PITPNM3: variants seen among roughly 807,000 people sequenced by gnomAD.
PITPNM3 encodes the protein PITPNM family member 3, also known as membrane-associated phosphatidylinositol transfer protein 3.
PITPNM3 carries 26 observed loss-of-function variants against 102.0 expected under a neutral mutation model. The observed-to-expected ratio is 0.25, with a 90% CI of 0.19 to 0.35. The LOEUF (loss-of-function observed/expected upper bound fraction) is 0.35, where lower values mean the gene tolerates loss of function less well. Ranked by LOEUF, PITPNM3 falls within the 10% of genes least tolerant of loss-of-function variation. The pLI, the probability that PITPNM3 is intolerant of heterozygous loss-of-function variation, is 1.00. For missense variants in PITPNM3, 1,083 were observed against 1,346.1 expected, an observed-to-expected ratio of 0.80 and a Z score of 3.06; for synonymous variants, 578 against 558.6, an observed-to-expected ratio of 1.03 and a Z score of -0.49.
At position 6,556,064 on chromosome 17, in the gene PITPNM3, G is replaced by T. The variant is rs990589136; in HGVS notation, c.22+321C>A. ...CATCCCCTTCGGTGGCGAAGCCCGG[G>T]TCTGCCCGGGGCCTCCGCGGGGTGC... On this transcript the variant is annotated intron_variant, in intron 1 of 19. Transcript: ENST00000262483. The surrounding 1 kb of genome is among the most constrained non-coding windows in gnomAD (Gnocchi z 5.2). Among the ~76,000 whole-genome samples the T allele has an allele frequency of 5.9e-5, 9 of 152,106 alleles. No homozygotes were observed. Among genetic ancestry groups the T allele is most frequent in the African/African-American group, 1.9e-4 (8 of 41,448 alleles).
intron 1 of PITPNM3, among the ~76,000 whole-genome samples, chr17:6,547,553 G>C (rs554789369): frequency 6.6e-6 from 1 of 152,194 alleles, no homozygotes; most frequent in South Asian, 2.1e-4. Flanking sequence ...TCTGCCACCT[G>C]CAGGCTCCCC....
chr17:6,498,427 C>A (rs796354111), intron 4 of PITPNM3, among the ~76,000 whole-genome samples: 2 of 152,222 alleles, frequency 1.3e-5, no homozygotes, highest in Admixed American at 1.3e-4. Context: ...ACGCTTCATT[C>A]GAGAGGATCC....
chr17:6,474,616 G>A lies in PITPNM3; in HGVS notation c.1086-12C>T. 1 of 1,553,892 alleles carries A rather than the reference G, an allele frequency of 6.4e-7. No individual in the cohort carries two copies. The highest frequency in any genetic ancestry group is 8.7e-7 in the Non-Finnish European group (1 of 1,149,512). ...CGCTGGAGTGGATGCTGCGGAGGGA[G>A]GAGGACGCAGGGCAGGGCAGGTCAG... On this transcript the variant is annotated splice_polypyrimidine_tract_variant and intron_variant, in intron 9 of 19. Coordinates refer to ENST00000262483, the MANE Select transcript of PITPNM3 (RefSeq NM_031220.4).
rs949859801 is a variant in PITPNM3, at chr17:6,451,796, C to G, written c.*3542G>C. 3 of 151,108 alleles carry G rather than the reference C, an allele frequency of 2.0e-5. No individual in the cohort carries two copies. The allele number at this position is 151,108 out of a possible 1,614,324, so 9.4% of individuals were successfully genotyped here. A position where few individuals can be genotyped will look rare whatever the true frequency, so the allele number is the denominator to read the frequency against. On this transcript the variant is annotated 3_prime_UTR_variant, in exon 20 of 20. Coordinates refer to ENST00000262483, the MANE Select transcript of PITPNM3 (RefSeq NM_031220.4). ...TTTTTACGAAGGTTTCCCCCAAGCC[C>G]GGAAGGAAAGGAAGGAGGGAATGTT...
intron 2 of PITPNM3, among the ~76,000 whole-genome samples, chr17:6,528,610 C>T (rs1378075526): frequency 6.6e-6 from 1 of 152,062 alleles, no homozygotes; most frequent in Admixed American, 6.5e-5. Flanking sequence ...GCCCTCTCTC[C>T]CTCCTGCTCC....
At chr17:6,550,710 A>G (rs1479935016) in intron 1 of PITPNM3, among the ~76,000 whole-genome samples, 1 of 152,220 alleles carries the variant, frequency 6.6e-6, no homozygotes, top group Non-Finnish European at 1.5e-5. Flanking sequence ...TGACCCAGAC[A>G]TGGCCCAGGC....
rs754069030 is a variant in PITPNM3 at position 6,477,147 on chromosome 17, T to C, written c.967A>G (p.Ile323Val). 8.1e-6 allele frequency: 13 copies of C among 1,614,122 alleles called. No homozygotes were observed. Among genetic ancestry groups the C allele is most frequent in the Non-Finnish European group, 1.0e-5 (12 of 1,180,014 alleles). Residue 323 changes from isoleucine to valine, a missense_variant, in exon 9 of 20, where the codon ATT becomes GTT. Physicochemically the swap from Ile to Val is conservative, Grantham distance 29. Transcript: ENST00000262483. ...TCCTCCAACCCACTGGAGATGTCAA[T>C]GTTGCTTTTGCTGAGACGCTTGCTG... ...ASSKRLSKSN[I>V]DISSGLEDEE...
At position 6,457,491 on chromosome 17, in the gene PITPNM3, G is replaced by A; in HGVS notation, c.2619+103C>T. The A allele has an allele frequency of 2.6e-6, 4 of 1,554,680 alleles. No individual in the cohort carries two copies. The highest frequency in any genetic ancestry group is 3.5e-6 in the Non-Finnish European group (4 of 1,140,536). On this transcript the variant is annotated intron_variant, in intron 19 of 19. Transcript: ENST00000262483. This position sits in a 1 kb window ranked among gnomAD's most constrained non-coding sequence, Gnocchi z 4.7. ...TTGAATAAATGAATGAGCAAATGGG[G>A]GAATGAACAAATGAATGAATGAATG...
intron 1 of PITPNM3, among the ~76,000 whole-genome samples, chr17:6,553,472 G>T (rs1302936045): frequency 6.6e-6 from 1 of 152,178 alleles, no homozygotes; most frequent in Non-Finnish European, 1.5e-5. Flanking sequence ...CACAAGCCAT[G>T]CCACAAATCT....
intron 2 of PITPNM3, among the ~76,000 whole-genome samples, chr17:6,527,112 A>G (rs924693254): frequency 2.7e-5 from 4 of 150,232 alleles, no homozygotes; most frequent in Non-Finnish European, 5.9e-5. Flanking sequence ...AAACAACAAT[A>G]ACGACTCAGG....
intron 3 of PITPNM3, among the ~76,000 whole-genome samples, chr17:6,509,129 C>T (rs979684873): frequency 6.6e-6 from 1 of 152,148 alleles, no homozygotes; most frequent in Non-Finnish European, 1.5e-5. Context: ...GGCTCTGGGC[C>T]CCACCAATCT....
chr17:6,505,204 A>G (rs1321284057), intron 3 of PITPNM3, among the ~76,000 whole-genome samples: 1 of 148,882 alleles, frequency 6.7e-6, no homozygotes, highest in African/African-American at 2.5e-5. Context: ...AAATATATAT[A>G]TATATATATA....
At chr17:6,511,243 C>T (rs1249881247) in intron 3 of PITPNM3, among the ~76,000 whole-genome samples, 2 of 152,196 alleles carry the variant, frequency 1.3e-5, no homozygotes, top group African/African-American at 4.8e-5. Context: ...GACCTACTTG[C>T]CAATTTCGTG....
At chr17:6,505,737 G>A (rs1476606668) in intron 3 of PITPNM3, among the ~76,000 whole-genome samples, 2 of 152,232 alleles carry the variant, frequency 1.3e-5, no homozygotes, top group African/African-American at 2.4e-5. Context: ...TTCAAAAAAC[G>A]CCTTCTATGG....
chr17:6,473,095 A>T (rs1597369037), intron 10 of PITPNM3: 2 of 524,972 alleles, frequency 3.8e-6, no homozygotes, highest in Non-Finnish European at 6.9e-6. Context: ...GCCTTTGCTC[A>T]AAACATCCCT....
intron 19 of PITPNM3, among the ~76,000 whole-genome samples, chr17:6,456,033 T>A (rs12453239): frequency 0.38 from 58,084 of 151,548 alleles, 12,920 homozygotes; most frequent in Middle Eastern, 0.56. Context: ...TTAATTAATT[T>A]ATTTATTTGA....
chr17:6,509,150 G>A (rs956915169), intron 3 of PITPNM3, among the ~76,000 whole-genome samples: 1 of 152,150 alleles, frequency 6.6e-6, no homozygotes, highest in African/African-American at 2.4e-5. Flanking sequence ...TGCCTGTCCT[G>A]AACTCACACA....
intron 1 of PITPNM3, among the ~76,000 whole-genome samples, chr17:6,539,198 G>A (rs1909605418): frequency 6.7e-6 from 1 of 149,276 alleles, no homozygotes; most frequent in Non-Finnish European, 1.5e-5. Context: ...GATTCCCTAA[G>A]CTTCTGATCC....
At chr17:6,551,050 GA>G (rs1049956027) in intron 1 of PITPNM3, among the ~76,000 whole-genome samples, 2 of 152,218 alleles carry the variant, frequency 1.3e-5, no homozygotes, top group African/African-American at 4.8e-5. Flanking sequence ...CAGACTGCGG[GA>G]AAGCTTTTGA....
Sources: gnomAD v4.1 joint callset for allele counts (sites outside exome capture counted in the v4.1 genomes callset) on GRCh38, gnomAD v4.1.1 for gene constraint, Gnocchi (gnomAD v3.1) non-coding constraint, MANE v1.5 for transcripts, NCBI Gene and HGNC (gene_info 2026-07-23, HGNC 2026-07-21) for gene names.